ABHD12: variants seen among roughly 807,000 people sequenced by gnomAD.
ABHD12 encodes abhydrolase domain containing 12, lysophospholipase, also known as lysophosphatidylserine lipase ABHD12.
In ABHD12, 43 loss-of-function variants were observed where a neutral mutation model predicts 58.3. The ratio of observed to expected loss-of-function variants is 0.74; its 90% confidence interval spans 0.58 to 0.95. ABHD12 has a LOEUF of 0.95. ABHD12 is among the 40% of genes least tolerant of loss of function. The probability of loss-of-function intolerance (pLI) is 0.00; values close to 1 mark genes in which losing one functional copy is unlikely to be tolerated. For missense variants in ABHD12, 539 were observed against 537.2 expected, an observed-to-expected ratio of 1.00 and a Z score of -0.03; for synonymous variants, 219 against 211.2, an observed-to-expected ratio of 1.04 and a Z score of -0.32.
chr20:25,297,653 A>C (rs1448152180), downstream of ABHD12: 1 of 152,272 alleles, frequency 6.6e-6, no homozygotes, highest in African/African-American at 2.4e-5. Context: ...CCATTGCCCA[A>C]GAGAGAGGGC....
intron 1 of ABHD12, chr20:25,390,233 G>T (rs967253921): frequency 5.0e-5 from 16 of 322,084 alleles, no homozygotes; most frequent in Non-Finnish European, 3.4e-5. Flanking sequence ...AAAGGGTCGG[G>T]GTGCAAGGCT....
At chr20:25,373,323 G>C (rs1485103881) in intron 1 of ABHD12, among the ~76,000 whole-genome samples, 1 of 152,186 alleles carries the variant, frequency 6.6e-6, no homozygotes, top group African/African-American at 2.4e-5. Context: ...GGGGCGGGTG[G>C]ATCACCTGAG....
At chr20:25,333,794 G>A (rs1344847255) in intron 2 of ABHD12, among the ~76,000 whole-genome samples, 2 of 151,756 alleles carry the variant, frequency 1.3e-5, no homozygotes, top group Admixed American at 6.6e-5. Flanking sequence ...ATTCGGTATT[G>A]ATGGGACACA....
chr20:25,339,640 C>T (rs757183536), intron 1 of ABHD12: 8 of 1,409,130 alleles, frequency 5.7e-6, no homozygotes, highest in Admixed American at 1.9e-5. Flanking sequence ...AAGAATACAG[C>T]AGAGAAAGCA....
intron 1 of ABHD12, among the ~76,000 whole-genome samples, chr20:25,383,483 A>G (rs1184340284): frequency 6.6e-6 from 1 of 152,204 alleles, no homozygotes. Flanking sequence ...CATGCCTTCA[A>G]TGCACATTCC....
intron 1 of ABHD12, among the ~76,000 whole-genome samples, chr20:25,343,048 G>T (rs1477276923): frequency 6.6e-6 from 1 of 152,140 alleles, no homozygotes; most frequent in African/African-American, 2.4e-5. Flanking sequence ...ACCTACCTTG[G>T]CCTCCCAAAG....
At chr20:25,350,004 C>G (rs1351280333) in intron 1 of ABHD12, among the ~76,000 whole-genome samples, 5 of 152,110 alleles carry the variant, frequency 3.3e-5, no homozygotes, top group African/African-American at 1.2e-4. Context: ...GCAAACATAT[C>G]AGCTGCATCA....
chr20:25,369,048 G>A (rs902369796), intron 1 of ABHD12, among the ~76,000 whole-genome samples: 3 of 152,206 alleles, frequency 2.0e-5, no homozygotes, highest in South Asian at 2.1e-4. Flanking sequence ...GCTTGAGCCA[G>A]GGAGATCAAG....
chr20:25,343,443 T>C, intron 1 of ABHD12, among the ~76,000 whole-genome samples: 1 of 152,178 alleles, frequency 6.6e-6, no homozygotes, highest in Non-Finnish European at 1.5e-5. Flanking sequence ...TCACAGCTTC[T>C]TGGGAGGCTG....
At chr20:25,338,102 AGTTTCT>A (rs755749669) in intron 2 of ABHD12, among the ~76,000 whole-genome samples, 6 of 152,144 alleles carry the variant, frequency 3.9e-5, no homozygotes, top group Non-Finnish European at 5.9e-5. Context: ...TCATCTCCTA[AGTTTCT>A]GTGATTAAGT....
At chr20:25,373,740 G>T (rs1349924020) in intron 1 of ABHD12, among the ~76,000 whole-genome samples, 1 of 151,612 alleles carries the variant, frequency 6.6e-6, no homozygotes, top group African/African-American at 2.4e-5. Context: ...TTGGTATACT[G>T]CTTCATGTTT....
rs202035822 is a variant in ABHD12 at position 25,320,302 on chromosome 20, C to T, written c.439G>A (p.Val147Ile). Residue 147 changes from valine to isoleucine, a missense_variant, in exon 4 of 13, where the codon GTC becomes ATC. Val to Ile is a conservative substitution (Grantham distance 29). Coordinates refer to ENST00000339157, the MANE Select transcript of ABHD12 (RefSeq NM_001042472.3). ...TIGVWHTVPA[V>I]WWKNAQGKDQ... is the part of the protein sequence containing the mutation. Reference sequence around the variant, plus strand: ...TTGCCTTGGGCGTTCTTCCACCAGACTGCAGGGACGGTGTGCCTGCAGACA... The same window carrying T: ...TTGCCTTGGGCGTTCTTCCACCAGATTGCAGGGACGGTGTGCCTGCAGACA... 3 of 1,614,036 alleles carry T rather than the reference C, an allele frequency of 1.9e-6. No homozygotes were observed. The African/African-American group carries it at 4.0e-5, about 21-fold the overall frequency.
intron 1 of ABHD12, among the ~76,000 whole-genome samples, chr20:25,365,437 T>C (rs530034067): frequency 6.6e-6 from 1 of 152,342 alleles, no homozygotes; most frequent in South Asian, 2.1e-4. Flanking sequence ...AATGCTTACC[T>C]ATTTTACAGC....
chr20:25,374,726 C>T (rs2089941177), intron 1 of ABHD12, among the ~76,000 whole-genome samples: 2 of 152,150 alleles, frequency 1.3e-5, no homozygotes, highest in Admixed American at 6.5e-5. Flanking sequence ...TCTCAAACTC[C>T]TTACCTCAGG....
chr20:25,312,184 C>T (rs140933760), intron 6 of ABHD12, among the ~76,000 whole-genome samples: 4 of 151,568 alleles, frequency 2.6e-5, no homozygotes, highest in Non-Finnish European at 4.4e-5. Context: ...CCTCTCCCCA[C>T]GGTCTCCCTC....
At chr20:25,325,339 G>A (rs533063413) in intron 2 of ABHD12, among the ~76,000 whole-genome samples, 9 of 151,674 alleles carry the variant, frequency 5.9e-5, no homozygotes, top group South Asian at 2.1e-4. Flanking sequence ...TGGGAGGCCC[G>A]CCTGCCCTGT....
Position 25,294,951 on chromosome 20 carries a change from C to A in ABHD12, c.*22G>T, listed in dbSNP as rs760501310. ...AGTTTTGTCTGCTGCTCTTCGATGACCGTGTCACCTGTTGGCTTCAGTCAC... is the reference window on the plus strand; with the variant it reads ...AGTTTTGTCTGCTGCTCTTCGATGAACGTGTCACCTGTTGGCTTCAGTCAC... On this transcript the variant is annotated 3_prime_UTR_variant, in exon 13 of 13. Coordinates refer to the ABHD12 transcript ENST00000376542. 7.4e-6 allele frequency: 12 copies of A among 1,613,868 alleles called. No homozygotes were observed. The South Asian group carries it at 1.3e-4, about 18-fold the overall frequency.
intron 6 of ABHD12, among the ~76,000 whole-genome samples, chr20:25,314,709 G>C (rs1434569081): frequency 2.0e-5 from 3 of 151,604 alleles, no homozygotes; most frequent in Non-Finnish European, 2.9e-5. Context: ...TGCTGACAGG[G>C]CATCTGCTGG....
chr20:25,347,451 ATTATT>A (rs2089534463), intron 1 of ABHD12, among the ~76,000 whole-genome samples: 1 of 152,108 alleles, frequency 6.6e-6, no homozygotes, highest in Admixed American at 6.5e-5. Context: ...TACTAACTAT[ATTATT>A]TTAATACCTA....
Sources: allele counts gnomAD v4.1 joint callset (sites outside exome capture counted in the v4.1 genomes callset), GRCh38; gene constraint gnomAD v4.1.1; transcripts MANE v1.5; gene names NCBI Gene and HGNC (gene_info 2026-07-23, HGNC 2026-07-21).